MALRD1: variants seen among roughly 807,000 people sequenced by gnomAD.
MALRD1 encodes MAM and LDL-receptor class A domain-containing protein 1.
A neutral mutation model predicts 242.1 loss-of-function variants in MALRD1; 247 were observed. That is an observed-to-expected ratio of 1.02 (90% CI 0.92 to 1.13). The LOEUF (loss-of-function observed/expected upper bound fraction) is 1.13. MALRD1 is among the 50% of genes most tolerant of loss of function. The probability of loss-of-function intolerance (pLI) is 0.00; values close to 1 mark genes in which losing one functional copy is unlikely to be tolerated. For synonymous variants in MALRD1, 995 were observed against 866.6 expected (o/e 1.15, Z -2.60); for missense variants, 2,989 against 2,533.1 (o/e 1.18, Z -3.86).
intron 36 of MALRD1, among the ~76,000 whole-genome samples, chr10:19,691,502 A>C (rs1052687646): frequency 6.6e-6 from 1 of 152,136 alleles, no homozygotes; most frequent in African/African-American, 2.4e-5. Context: ...TGAAGGTGGC[A>C]GGAAATTTGA....
At chr10:19,260,047 G>T (rs1034209995) in intron 19 of MALRD1, among the ~76,000 whole-genome samples, 14 of 152,150 alleles carry the variant, frequency 9.2e-5, no homozygotes, top group African/African-American at 3.1e-4. Context: ...GGATGGATAA[G>T]TAGGTAGAGG....
At chr10:19,516,819 A>G (rs1025223652) in intron 31 of MALRD1, among the ~76,000 whole-genome samples, 1 of 148,898 alleles carries the variant, frequency 6.7e-6, no homozygotes, top group Non-Finnish European at 1.5e-5. Flanking sequence ...CATTTTCTCT[A>G]TACTTGCATT....
At position 19,607,907 on chromosome 10, in the gene MALRD1, C is replaced by A. The variant is rs1267659992; in HGVS notation, c.6070+5C>A. On this transcript the variant is annotated splice_donor_5th_base_variant and intron_variant, in intron 35 of 39. Transcript: ENST00000454679. ...TTGATGAGTCCAGCTGCTCCGGTAC[C>A]CCATTTCCATTCAGATATTCTTGTG... 2.6e-6 allele frequency: 4 copies of A among 1,548,964 alleles called. No homozygotes were observed. The highest frequency in any genetic ancestry group is 3.5e-6 in the Non-Finnish European group (4 of 1,146,166).
chr10:19,712,227 T>G (rs1252486194), intron 38 of MALRD1, among the ~76,000 whole-genome samples: 2 of 152,176 alleles, frequency 1.3e-5, no homozygotes, highest in Non-Finnish European at 2.9e-5. Context: ...CGGTGAGCAA[T>G]TGACTAGGAA....
chr10:19,342,021 GT>G (rs1225609454), intron 24 of MALRD1, among the ~76,000 whole-genome samples: 2 of 152,060 alleles, frequency 1.3e-5, no homozygotes, highest in East Asian at 3.9e-4. Context: ...TAATTTCCAA[GT>G]AAACTGATGA....
At chr10:19,659,069 C>A (rs1483066822) in intron 36 of MALRD1, among the ~76,000 whole-genome samples, 1 of 152,126 alleles carries the variant, frequency 6.6e-6, no homozygotes, top group Non-Finnish European at 1.5e-5. Flanking sequence ...CTACTTTTTG[C>A]TCTTTAGCCA....
chr10:19,142,966 C>T (rs1306612332), intron 10 of MALRD1, among the ~76,000 whole-genome samples: 3 of 152,192 alleles, frequency 2.0e-5, no homozygotes, highest in Non-Finnish European at 2.9e-5. Context: ...TATTCTTTTA[C>T]GTGTACAGGA....
intron 13 of MALRD1, among the ~76,000 whole-genome samples, chr10:19,172,118 TACATATATAC>T (rs554138439): frequency 0.01 from 1,507 of 144,344 alleles, 42 homozygotes; most frequent in African/African-American, 0.036. Context: ...GTTATGTATA[TACATATATAC>T]ACATATATAC....
chr10:19,397,908 T>C (rs1846658830), intron 28 of MALRD1, among the ~76,000 whole-genome samples: 1 of 149,574 alleles, frequency 6.7e-6, no homozygotes, highest in African/African-American at 2.6e-5. Flanking sequence ...TGATTAGTGA[T>C]GCCGAGCATT....
At chr10:19,265,419 G>A (rs578110735) in intron 19 of MALRD1, among the ~76,000 whole-genome samples, 1 of 151,988 alleles carries the variant, frequency 6.6e-6, no homozygotes, top group East Asian at 1.9e-4. Flanking sequence ...GTTTTGGTAT[G>A]TTGTGTTTCC....
intron 38 of MALRD1, among the ~76,000 whole-genome samples, chr10:19,719,224 A>ATATATGTG (rs1834605083): frequency 2.7e-4 from 1 of 3,732 alleles, no homozygotes; most frequent in East Asian, 4.7e-3. Flanking sequence ...ACATACATAC[A>ATATATGTG]TATATATATA....
chr10:19,573,981 G>T (rs1433180186), intron 33 of MALRD1, among the ~76,000 whole-genome samples: 1 of 152,112 alleles, frequency 6.6e-6, no homozygotes, highest in Non-Finnish European at 1.5e-5. Flanking sequence ...ATATTGTAAA[G>T]AAAAGAAATG....
chr10:19,237,927 T>TAGAATTTCATATA (rs1564491267), intron 18 of MALRD1, among the ~76,000 whole-genome samples: 1 of 25,620 alleles, frequency 3.9e-5, no homozygotes, highest in African/African-American at 2.5e-4. Flanking sequence ...TATAATTATA[T>TAGAATTTCATATA]GTAATTTTAT....
chr10:19,732,376 C>T (rs1385788772), intron 39 of MALRD1, among the ~76,000 whole-genome samples: 1 of 152,148 alleles, frequency 6.6e-6, no homozygotes, highest in Non-Finnish European at 1.5e-5. Flanking sequence ...GATTCTCCTG[C>T]CTCAGCCTCC....
chr10:19,135,377 A>G (rs567595603), intron 9 of MALRD1, among the ~76,000 whole-genome samples: 2 of 152,140 alleles, frequency 1.3e-5, no homozygotes, highest in African/African-American at 2.4e-5. Context: ...CTGGTCTCGA[A>G]CTCCTGACCT....
At chr10:19,307,356 G>A (rs1842258939) in intron 21 of MALRD1, among the ~76,000 whole-genome samples, 1 of 151,460 alleles carries the variant, frequency 6.6e-6, no homozygotes, top group Non-Finnish European at 1.5e-5. Context: ...ATTCTGCTGG[G>A]ACCCGATTTC....
chr10:19,156,692 G>A lies in MALRD1; in HGVS notation c.1656+1520G>A, dbSNP rs185373650. On this transcript the variant is annotated intron_variant, in intron 12 of 39. Transcript: ENST00000454679. ...TTCCTATGACTCACCTAGAGTCACT[G>A]AGAAATCATATGCATGTATATGATT... 1.9e-3 allele frequency among the ~76,000 whole-genome samples: 287 copies of A among 152,222 alleles called. 4 individuals are homozygous for A. Among genetic ancestry groups the A allele is most frequent in the Non-Finnish European group, 8.2e-4 (56 of 68,018 alleles).
At chr10:19,367,037 T>G (rs1267992805) in intron 26 of MALRD1, among the ~76,000 whole-genome samples, 1 of 152,194 alleles carries the variant, frequency 6.6e-6, no homozygotes, top group East Asian at 1.9e-4. Flanking sequence ...ATAGTGATAC[T>G]GTAATACATG....
intron 13 of MALRD1, among the ~76,000 whole-genome samples, chr10:19,173,099 C>G (rs1835081613): frequency 6.6e-6 from 1 of 151,974 alleles, no homozygotes; most frequent in African/African-American, 2.4e-5. Flanking sequence ...TAGATTTTAT[C>G]TTGAGTATCT....
Sources: gnomAD v4.1 joint callset for allele counts (sites outside exome capture counted in the v4.1 genomes callset) on GRCh38, gnomAD v4.1.1 for gene constraint, MANE v1.5 for transcripts, NCBI Gene and HGNC (gene_info 2026-07-23, HGNC 2026-07-21) for gene names.